The following NLRP11 variants were observed in gnomAD, a reference collection of about 807,000 sequenced individuals.
NLRP11 encodes the protein NLR family pyrin domain containing 11.
NLRP11 carries 53 observed loss-of-function variants against 79.3 expected under a neutral mutation model. The observed-to-expected ratio is 0.67, with a 90% confidence interval of 0.54 to 0.84. The LOEUF (loss-of-function observed/expected upper bound fraction) is 0.84. Among genes scored for constraint, NLRP11 ranks in the 40% least tolerant of loss-of-function variants. The probability of loss-of-function intolerance (pLI) is 0.00; values close to 1 mark genes in which losing one functional copy is unlikely to be tolerated. For missense variants in NLRP11, 1,264 were observed against 1,255.0 expected (o/e 1.01, Z -0.11); for synonymous variants, 518 against 462.6 (o/e 1.12, Z -1.54).
intron 1 of NLRP11, among the ~76,000 whole-genome samples, chr19:55,827,754 A>C (rs1472703665): frequency 2.0e-5 from 3 of 151,822 alleles, no homozygotes; most frequent in Non-Finnish European, 4.4e-5. Context: ...ATCATTAAAA[A>C]GTCAGGAAAC....
upstream of NLRP11, among the ~76,000 whole-genome samples, chr19:55,833,731 G>A (rs541090423): frequency 1.4e-4 from 17 of 122,702 alleles, no homozygotes; most frequent in South Asian, 3.8e-3. Flanking sequence ...TCAGGCCACC[G>A]CACTCCAGCC....
intron 5 of NLRP11, 47 bp downstream of exon 5, chr19:55,801,525 G>A (rs757362486): frequency 8.5e-6 from 13 of 1,532,494 alleles, no homozygotes; most frequent in Admixed American, 5.0e-5. Flanking sequence ...CCAACACCCA[G>A]GCATTCCCCT....
At chr19:55,815,276 C>T (rs553720002) in intron 2 of NLRP11, among the ~76,000 whole-genome samples, 185 of 152,118 alleles carry the variant, frequency 1.2e-3, no homozygotes, top group African/African-American at 4.4e-3. Context: ...TGCCTGTAGC[C>T]CCAGCACTTT....
At chr19:55,798,051 G>C (rs985709845) in intron 5 of NLRP11, among the ~76,000 whole-genome samples, 1 of 151,384 alleles carries the variant, frequency 6.6e-6, no homozygotes, top group African/African-American at 2.4e-5. Flanking sequence ...GGCTGGTGGA[G>C]TGCAATGGTG....
intron 2 of NLRP11, among the ~76,000 whole-genome samples, chr19:55,815,930 C>T (rs758686498): frequency 2.7e-5 from 4 of 148,220 alleles, no homozygotes; most frequent in African/African-American, 5.0e-5. Context: ...CATCAATAGT[C>T]GAGGTTATGA....
chr19:55,797,076 T>A (rs915149424), intron 5 of NLRP11, among the ~76,000 whole-genome samples: 5 of 152,200 alleles, frequency 3.3e-5, no homozygotes, highest in African/African-American at 1.2e-4. Flanking sequence ...TGCTTTAGTG[T>A]CTAGTACCCT....
intron 4 of NLRP11, among the ~76,000 whole-genome samples, chr19:55,806,637 G>A (rs577408938): frequency 1.3e-5 from 2 of 152,030 alleles, no homozygotes; most frequent in Admixed American, 6.6e-5. Context: ...TTTTAAACGC[G>A]GTATCCAGAA....
chr19:55,811,571 C>T (rs1382987435), intron 2 of NLRP11, among the ~76,000 whole-genome samples: 2 of 152,132 alleles, frequency 1.3e-5, no homozygotes, highest in East Asian at 1.9e-4. Context: ...GGGCCTGATC[C>T]CACCCTCTAG....
At chr19:55,815,503 T>G (rs1981024340) in intron 2 of NLRP11, among the ~76,000 whole-genome samples, 1 of 129,906 alleles carries the variant, frequency 7.7e-6, no homozygotes, top group Non-Finnish European at 1.5e-5. Context: ...CATTCCAGCC[T>G]GGACAATGGA....
chr19:55,792,265 A>C, intron 7 of NLRP11, 36 bp downstream of exon 7: 2 of 1,588,630 alleles, frequency 1.3e-6, no homozygotes, highest in East Asian at 4.5e-5. Context: ...CATGCAGTAG[A>C]AACACAGTCA....
rs577409070 is a variant in NLRP11, at chr19:55,800,204, T to C, written c.2171+1368A>G. Among the ~76,000 whole-genome samples, 100 of 152,296 alleles carry C rather than the reference T, an allele frequency of 6.6e-4. 2 individuals carry two copies. The highest frequency in any genetic ancestry group is 2.2e-3 in the African/African-American group (92 of 41,562). Reference sequence around the variant, plus strand: ...GTCTAGCAAGTGGTATTATCCAATATTGAGTCACCAGCAAGTAGAGCTACT... The same window carrying C: ...GTCTAGCAAGTGGTATTATCCAATACTGAGTCACCAGCAAGTAGAGCTACT... On this transcript the variant is annotated intron_variant, in intron 5 of 9. Coordinates refer to ENST00000589093, the Ensembl canonical transcript of NLRP11.
chr19:55,831,209 ACCT>A (rs1248597619), intron 1 of NLRP11, among the ~76,000 whole-genome samples: 2 of 147,382 alleles, frequency 1.4e-5, no homozygotes, highest in African/African-American at 2.5e-5. Flanking sequence ...GGGAGGTCAA[ACCT>A]CCTCCTATCT....
upstream of NLRP11, among the ~76,000 whole-genome samples, chr19:55,833,688 A>C (rs970897786): frequency 3.5e-5 from 5 of 141,966 alleles, no homozygotes; most frequent in African/African-American, 1.3e-4. Flanking sequence ...GAATTACTTG[A>C]GCCCGGGAGG....
At chr19:55,785,894 C>G in intron 9 of NLRP11, 23 bp from the exon 10 acceptor site, 1 of 1,606,454 alleles carries the variant, frequency 6.2e-7, no homozygotes, top group Non-Finnish European at 8.5e-7. Context: ...AGAGAGAGAA[C>G]GCCGTTAATG....
rs1989817973 is a variant in NLRP11 at position 55,785,561 on chromosome 19, C to T, written c.*64G>A. On this transcript the variant is annotated 3_prime_UTR_variant, in exon 10 of 10. Transcript: ENST00000589093. ...CACATCAAATAGGAAAATTATAGTC[C>T]TAATTCTCTTGCATCCCAGTCACGG... The T allele has an allele frequency of 1.2e-5, 17 of 1,381,540 alleles. No homozygotes were observed. The South Asian group carries it at 2.0e-4, about 16-fold the overall frequency. The allele number at this position is 1,381,540 out of a possible 1,614,324, so 85.6% of individuals were successfully genotyped here.
At chr19:55,818,955 A>G (rs1981404816) in intron 1 of NLRP11, among the ~76,000 whole-genome samples, 1 of 152,140 alleles carries the variant, frequency 6.6e-6, no homozygotes, top group Admixed American at 6.6e-5. Context: ...CCAAATAAGC[A>G]GATGTTTAGC....
At chr19:55,797,911 G>A (rs533760558) in intron 5 of NLRP11, among the ~76,000 whole-genome samples, 1 of 152,202 alleles carries the variant, frequency 6.6e-6, no homozygotes, top group East Asian at 1.9e-4. Context: ...AACAAACAGT[G>A]CAGCCGCAGC....
At chr19:55,811,903 CT>C (rs1452197881) in intron 2 of NLRP11, among the ~76,000 whole-genome samples, 1 of 151,832 alleles carries the variant, frequency 6.6e-6, no homozygotes, top group East Asian at 1.9e-4. Flanking sequence ...CAAATATATT[CT>C]CCCAATCCAG....
At chr19:55,830,616 T>A (rs35727804) in intron 1 of NLRP11, among the ~76,000 whole-genome samples, 20,128 of 124,052 alleles carry the variant, frequency 0.16, 2,001 homozygotes, top group African/African-American at 0.33. Context: ...AAAAAAAAAA[T>A]GCAACGTTGA....
Sources: gnomAD v4.1 joint callset for allele counts (sites outside exome capture counted in the v4.1 genomes callset) on GRCh38, gnomAD v4.1.1 for gene constraint, MANE v1.5 for transcripts, NCBI Gene and HGNC (gene_info 2026-07-23, HGNC 2026-07-21) for gene names.